Variants in ASAH2 observed in about 807,000 individuals in gnomAD.
ASAH2 encodes neutral ceramidase.
A neutral mutation model predicts 82.9 loss-of-function variants in ASAH2; 58 were observed. That is an observed-to-expected ratio of 0.70 (90% CI 0.57 to 0.87). The LOEUF is 0.87. ASAH2 is among the 40% of genes least tolerant of loss of function. The pLI is 0.00. For missense variants in ASAH2, 779 were observed against 834.0 expected (o/e 0.93, Z 0.81); for synonymous variants, 276 against 289.7 (o/e 0.95, Z 0.48).
chr10:50,193,285 A>G (rs1844890000), intron 18 of ASAH2, among the ~76,000 whole-genome samples: 1 of 143,170 alleles, frequency 7.0e-6, no homozygotes, highest in Non-Finnish European at 1.5e-5. Flanking sequence ...CAATGTCATC[A>G]GAGTTTACGG....
chr10:50,248,824 T>C (rs965735723), intron 1 of ASAH2, among the ~76,000 whole-genome samples, 178 bp from the exon 2 acceptor site: 1 of 152,228 alleles, frequency 6.6e-6, no homozygotes. Flanking sequence ...GCATTCTTTT[T>C]GAAAAGCTCG....
intron 15 of ASAH2, 60 bp downstream of exon 15, chr10:50,203,579 GA>G: frequency 4.0e-6 from 2 of 497,322 alleles, no homozygotes; most frequent in Non-Finnish European, 6.5e-6. Flanking sequence ...ATAGGGATAG[GA>G]TATACTTTCC....
intron 7 of ASAH2, among the ~76,000 whole-genome samples, chr10:50,230,924 C>T (rs977875750): frequency 2.0e-5 from 3 of 151,584 alleles, no homozygotes; most frequent in African/African-American, 7.3e-5. Flanking sequence ...ACCTGTAGTC[C>T]CAGTTACTAA....
At chr10:50,231,596 A>G (rs924870011) in intron 7 of ASAH2, among the ~76,000 whole-genome samples, 19 of 152,170 alleles carry the variant, frequency 1.2e-4, no homozygotes, top group African/African-American at 4.6e-4. Flanking sequence ...CTTATTCATC[A>G]TAACATACCC....
At chr10:50,199,761 C>A (rs1845091756) in intron 16 of ASAH2, among the ~76,000 whole-genome samples, 1 of 151,096 alleles carries the variant, frequency 6.6e-6, no homozygotes, top group African/African-American at 2.4e-5. Context: ...CGGCAGTTAC[C>A]TTAGACTCCT....
intron 10 of ASAH2, among the ~76,000 whole-genome samples, 181 bp downstream of exon 10, chr10:50,212,791 C>CA (rs1222476301): frequency 6.6e-6 from 1 of 152,160 alleles, no homozygotes; most frequent in Non-Finnish European, 1.5e-5. Flanking sequence ...CCTGAGCAGT[C>CA]AGACAGAGGT....
chr10:50,219,546 A>G (rs2813318), intron 7 of ASAH2, among the ~76,000 whole-genome samples: 116,722 of 152,232 alleles, frequency 0.77, 46,582 homozygotes, highest in Non-Finnish European at 0.88. Context: ...AGAAAAGAGA[A>G]ATGCTAATTC....
At position 50,245,428 on chromosome 10, in the gene ASAH2, T is replaced by G. The variant is rs1489624671; in HGVS notation, c.154A>C (p.Thr52Pro). Residue 52 changes from threonine (T) to proline (P), a missense_variant, in exon 3 of 21, where the codon ACC becomes CCC. Thr to Pro is a conservative substitution (Grantham distance 38). Transcript: ENST00000682911. ...KDLGGHFFST[T>P]QSPPATQGST... ...CCCTGGGTGGCTGGAGGGCTTTGGG[T>G]GGTTGAAAAAAAATGGCCTCCTAAA... is the stretch of plus-strand genomic sequence containing the variant. 6.2e-7 allele frequency: 1 copy of G among 1,613,328 alleles called. No homozygotes were observed. Among genetic ancestry groups the G allele is most frequent in the Non-Finnish European group, 8.5e-7 (1 of 1,179,800 alleles).
At chr10:50,250,566 TAGC>T (rs1846587952) in intron 1 of ASAH2, among the ~76,000 whole-genome samples, 1 of 152,160 alleles carries the variant, frequency 6.6e-6, no homozygotes, top group South Asian at 2.1e-4. Context: ...TACTACTCAT[TAGC>T]AGCTGTTTCA....
At chr10:50,216,272 T>C (rs1226583352) in intron 8 of ASAH2, among the ~76,000 whole-genome samples, 2 of 151,508 alleles carry the variant, frequency 1.3e-5, no homozygotes, top group African/African-American at 2.4e-5. Flanking sequence ...AACCTGCATG[T>C]TCTGCACATG....
Position 50,212,972 on chromosome 10 carries a change from C to A in ASAH2, c.1227G>T (p.Lys409Asn). The change falls in exon 10 of 21, where the codon AAG (lysine) becomes AAT (asparagine). Residue 409 changes from lysine (K) to asparagine (N), a missense_variant and splice_region_variant. Coordinates refer to ENST00000682911, the MANE Select transcript of ASAH2 (RefSeq NM_019893.4). ...TAAAGGAGCGAGGCCCATGGCTTAC[C>A]TTTGCTCTCTGATACATGGCCCGTC... Reference protein sequence around the residue: ...IIGRAMYQRAKELYASASQEV... With the variant: ...IIGRAMYQRANELYASASQEV... 6.2e-7 allele frequency: 1 copy of A among 1,613,438 alleles called. No homozygotes were observed. The highest frequency in any genetic ancestry group is 8.5e-7 in the Non-Finnish European group (1 of 1,179,456).
intron 3 of ASAH2, among the ~76,000 whole-genome samples, chr10:50,244,222 A>G (rs1459334115): frequency 6.6e-6 from 1 of 152,184 alleles, no homozygotes; most frequent in African/African-American, 2.4e-5. Flanking sequence ...CAGGCTGTCC[A>G]TGATTAGCCA....
intron 7 of ASAH2, among the ~76,000 whole-genome samples, chr10:50,221,690 AGATG>A (rs1159982573): frequency 4.8e-5 from 5 of 104,848 alleles, no homozygotes; most frequent in African/African-American, 1.7e-4. Flanking sequence ...ATAGATAGAT[AGATG>A]GATGGATAGA....
chr10:50,245,191 A>C, intron 3 of ASAH2, 31 bp downstream of exon 3: 2 of 1,499,720 alleles, frequency 1.3e-6, no homozygotes, highest in Non-Finnish European at 1.8e-6. Flanking sequence ...CTTGTTTCAC[A>C]GTCTCCTTAA....
chr10:50,206,480 C>A (rs1455675665), intron 12 of ASAH2, among the ~76,000 whole-genome samples: 3 of 150,448 alleles, frequency 2.0e-5, no homozygotes, highest in Non-Finnish European at 4.4e-5. Flanking sequence ...CTCCAACTCA[C>A]AATACCAGTT....
At chr10:50,208,423 T>A (rs1845364828) in intron 12 of ASAH2, among the ~76,000 whole-genome samples, 1 of 151,966 alleles carries the variant, frequency 6.6e-6, no homozygotes. Flanking sequence ...AAATCATCCA[T>A]TAAAATATTA....
At chr10:50,251,271 A>G (rs1846606704) in intron 1 of ASAH2, among the ~76,000 whole-genome samples, 124 bp downstream of exon 1, 1 of 152,198 alleles carries the variant, frequency 6.6e-6, no homozygotes, top group Admixed American at 6.5e-5. Flanking sequence ...ACAATTTGGC[A>G]AAAGAGGGTT....
At chr10:50,223,749 G>T (rs958925103) in intron 7 of ASAH2, among the ~76,000 whole-genome samples, 1 of 152,114 alleles carries the variant, frequency 6.6e-6, no homozygotes, top group Non-Finnish European at 1.5e-5. Flanking sequence ...CCGCATGTAG[G>T]CTCTAAATCC....
At chr10:50,202,524 C>T (rs1224047924) in intron 16 of ASAH2, among the ~76,000 whole-genome samples, 2 of 152,038 alleles carry the variant, frequency 1.3e-5, no homozygotes, top group Middle Eastern at 3.2e-3. Flanking sequence ...GCATCAAATG[C>T]ATTAAGAATA....
Sources: gnomAD v4.1 joint callset for allele counts (sites outside exome capture counted in the v4.1 genomes callset) on GRCh38, gnomAD v4.1.1 for gene constraint, MANE v1.5 for transcripts, NCBI Gene and HGNC (gene_info 2026-07-23, HGNC 2026-07-21) for gene names.